ZNF469: variants seen among roughly 807,000 people sequenced by gnomAD.
The protein encoded by ZNF469 is zinc finger protein 469.
In ZNF469, 1 loss-of-function variant was observed where a neutral mutation model predicts 1.0. The ratio of observed to expected loss-of-function variants is 1.00; its 90% CI spans 0.35 to 4.73. The LOEUF (loss-of-function observed/expected upper bound fraction) is 4.73, where lower values mean the gene tolerates loss of function less well. Ranked by LOEUF, ZNF469 falls within the 30% of genes most tolerant of loss-of-function variation. The probability of loss-of-function intolerance (pLI) is 0.16; values close to 1 mark genes in which losing one functional copy is unlikely to be tolerated. For synonymous variants in ZNF469, 2,703 were observed against 2,363.4 expected (o/e 1.14, Z -4.17); for missense variants, 6,100 against 5,356.3 (o/e 1.14, Z -4.33).
chr16:88,317,519 C>T, the ZNF469 span, among the ~76,000 whole-genome samples: 1 of 152,144 alleles, frequency 6.6e-6, no homozygotes, highest in Non-Finnish European at 1.5e-5. Context: ...GAGACCCTTC[C>T]CTGGGAGGGG....
chr16:88,174,607 A>G, the ZNF469 span, among the ~76,000 whole-genome samples: 38 of 148,464 alleles, frequency 2.6e-4, no homozygotes, highest in Admixed American at 7.5e-4. Flanking sequence ...GCCCTGATAC[A>G]GCAAGATTAG....
chr16:88,154,654 G>A, the ZNF469 span, among the ~76,000 whole-genome samples: 2 of 152,242 alleles, frequency 1.3e-5, no homozygotes, highest in African/African-American at 4.8e-5. Flanking sequence ...TCACTTTCCT[G>A]TTTGTAAGGG....
At chr16:88,381,691 C>T (rs988049179), upstream of ZNF469, among the ~76,000 whole-genome samples, 1 of 152,292 alleles carries the variant, frequency 6.6e-6, no homozygotes, top group African/African-American at 2.4e-5. Flanking sequence ...AGCCTCGAGC[C>T]TCTGGGGCCT....
At chr16:88,290,933 T>TC in the ZNF469 span, among the ~76,000 whole-genome samples, 1 of 152,200 alleles carries the variant, frequency 6.6e-6, no homozygotes, top group South Asian at 2.1e-4. Context: ...AACCCACGTT[T>TC]CCCCACAAAA....
the ZNF469 span, among the ~76,000 whole-genome samples, chr16:88,121,186 G>GT: frequency 8.4e-6 from 1 of 119,352 alleles, no homozygotes. Context: ...GGTTGGGGGG[G>GT]TGTTGCACTT....
the ZNF469 span, among the ~76,000 whole-genome samples, chr16:88,174,285 C>CATGAAA: frequency 6.6e-6 from 1 of 152,182 alleles, no homozygotes; most frequent in Admixed American, 6.5e-5. Context: ...GGTGTCAGTT[C>CATGAAA]ATGAAGGGGA....
the ZNF469 span, among the ~76,000 whole-genome samples, chr16:88,231,116 G>A: frequency 3.3e-5 from 5 of 152,290 alleles, no homozygotes; most frequent in East Asian, 5.8e-4. This position sits in a 1 kb window ranked among gnomAD's most constrained non-coding sequence, Gnocchi z 4.5. Context: ...GGCTCCTGGT[G>A]GTCATGCCAG....
the ZNF469 span, among the ~76,000 whole-genome samples, chr16:88,273,379 G>A: frequency 4.6e-5 from 7 of 151,744 alleles, no homozygotes; most frequent in South Asian, 2.1e-4. Context: ...TTACAAAGTC[G>A]TGCACATGAA....
At chr16:88,317,354 T>C in the ZNF469 span, among the ~76,000 whole-genome samples, 1 of 152,224 alleles carries the variant, frequency 6.6e-6, no homozygotes, top group African/African-American at 2.4e-5. Flanking sequence ...GTTCCATTCT[T>C]CTGCGGGTGA....
the ZNF469 span, among the ~76,000 whole-genome samples, chr16:88,173,118 T>C: frequency 6.6e-6 from 1 of 152,192 alleles, no homozygotes; most frequent in Non-Finnish European, 1.5e-5. Context: ...CTAAGAAGCT[T>C]GATAAATCCC....
At chr16:88,208,553 A>G in the ZNF469 span, among the ~76,000 whole-genome samples, 1 of 56,760 alleles carries the variant, frequency 1.8e-5, no homozygotes, top group African/African-American at 6.1e-5. Flanking sequence ...GAAGGAGGGA[A>G]GGAGGGAGGG....
At chr16:88,279,851 T>TGCGCCACGCC in the ZNF469 span, among the ~76,000 whole-genome samples, 1 of 85,248 alleles carries the variant, frequency 1.2e-5, no homozygotes, top group Non-Finnish European at 2.8e-5. Context: ...TGTGCCATGC[T>TGCGCCACGCC]GACACTCGGT....
chr16:88,268,538 C>A, the ZNF469 span, among the ~76,000 whole-genome samples: 3 of 152,170 alleles, frequency 2.0e-5, no homozygotes, highest in African/African-American at 7.2e-5. Flanking sequence ...AATTTGAGTT[C>A]TCCTGGCGTT....
the ZNF469 span, among the ~76,000 whole-genome samples, chr16:88,250,006 C>T: frequency 2.0e-5 from 3 of 152,226 alleles, no homozygotes; most frequent in Non-Finnish European, 2.9e-5. Flanking sequence ...GTGAAAATGT[C>T]GCTTACCTCT....
the ZNF469 span, among the ~76,000 whole-genome samples, chr16:88,157,411 C>T: frequency 2.0e-5 from 3 of 152,352 alleles, no homozygotes; most frequent in East Asian, 5.8e-4. Flanking sequence ...ACCAGTTCCA[C>T]CTCCTGTGCA....
chr16:88,108,601 G>C, the ZNF469 span, among the ~76,000 whole-genome samples: 2 of 152,218 alleles, frequency 1.3e-5, no homozygotes, highest in Non-Finnish European at 2.9e-5. Context: ...TTTCCCCAGA[G>C]AACTCTCGGC....
intron 1 of ZNF469, among the ~76,000 whole-genome samples, chr16:88,419,075 G>A (rs185067636): frequency 1.3e-5 from 2 of 152,334 alleles, no homozygotes; most frequent in Admixed American, 6.5e-5. Context: ...GGGCACAGCC[G>A]AACTCCTCCC....
the ZNF469 span, among the ~76,000 whole-genome samples, chr16:88,163,051 G>T: frequency 6.6e-6 from 1 of 152,098 alleles, no homozygotes; most frequent in South Asian, 2.1e-4. Context: ...ATGGATGTGT[G>T]GGTGGGTAGA....
chr16:88,171,704 C>T, the ZNF469 span, among the ~76,000 whole-genome samples: 14 of 152,208 alleles, frequency 9.2e-5, no homozygotes, highest in African/African-American at 3.1e-4. Flanking sequence ...AGACCCATCG[C>T]TGCGTTACCC....
Sources: allele counts gnomAD v4.1 joint callset (sites outside exome capture counted in the v4.1 genomes callset), GRCh38; gene constraint gnomAD v4.1.1; non-coding constraint Gnocchi (gnomAD v3.1); transcripts MANE v1.5; gene names NCBI Gene and HGNC (gene_info 2026-07-23, HGNC 2026-07-21).